REV3L: variants seen among roughly 807,000 people sequenced by gnomAD.
REV3L encodes the protein REV3 like, DNA directed polymerase zeta catalytic subunit.
A neutral mutation model predicts 299.4 loss-of-function variants in REV3L; 69 were observed. The observed-to-expected ratio is 0.23, with a 90% CI of 0.19 to 0.28. REV3L has a LOEUF of 0.28. Among genes scored for constraint, REV3L ranks in the 10% least tolerant of loss-of-function variants. The pLI is 1.00. For synonymous variants in REV3L, 1,238 were observed against 1,271.4 expected (o/e 0.97, Z 0.56); for missense variants, 3,128 against 3,693.8 (o/e 0.85, Z 3.97).
In REV3L at chr6:111,375,158, T is replaced by C; in HGVS notation, c.3197A>G (p.Asn1066Ser). 1 of 1,607,422 alleles carries C rather than the reference T, an allele frequency of 6.2e-7. No homozygotes were observed. The highest frequency in any genetic ancestry group is 8.5e-7 in the Non-Finnish European group (1 of 1,178,336). ...KKKTGKQQRT[N>S]NENIKRTLSF... ...CAAAGTTCTTTTAATATTTTCATTA[T>C]TTGTCCTTTGTTGTTTACCAGTTTT... The change falls in exon 13 of 32, where the codon AAT (asparagine) becomes AGT (serine). Residue 1066 changes from asparagine (N) to serine (S), a missense_variant. Around this residue, in one of 9 missense-constraint regions of REV3L, gnomAD observed 2,409 missense variants for 2,611.8 expected, o/e 0.92. Coordinates refer to ENST00000368802, the MANE Select transcript of REV3L (RefSeq NM_001372078.1).
rs776967346 is a variant in REV3L at position 111,373,820 on chromosome 6, C to A, written c.4535G>T (p.Arg1512Leu). ...QTKALSQCKNRNVSTPSAFGE... is the reference protein window; with the variant it reads ...QTKALSQCKNLNVSTPSAFGE... ...AAATGCTGAAGGTGTTGACACATTT[C>A]GATTTTTACACTGAGAAAGTGCTTT... is the stretch of plus-strand genomic sequence containing the variant. Residue 1512 changes from arginine to leucine, a missense_variant, in exon 13 of 32, where the codon CGA (arginine) becomes CTA (leucine). By Grantham distance (102) the Arg-to-Leu change is moderately radical. Around this residue, in one of 9 missense-constraint regions of REV3L, gnomAD observed 2,409 missense variants for 2,611.8 expected, o/e 0.92. Coordinates refer to ENST00000368802, the MANE Select transcript of REV3L (RefSeq NM_001372078.1). 3.1e-6 allele frequency: 5 copies of A among 1,613,950 alleles called. No homozygotes were observed. The highest frequency in any genetic ancestry group is 1.6e-4 in the Middle Eastern group (1 of 6,084).
intron 18 of REV3L, among the ~76,000 whole-genome samples, chr6:111,353,368 T>A (rs764238127): frequency 6.6e-6 from 1 of 152,228 alleles, no homozygotes; most frequent in African/African-American, 2.4e-5. Context: ...TCACAATAAA[T>A]GTTTTCTGAT....
chr6:111,380,503 C>G (rs1397148752), intron 10 of REV3L, among the ~76,000 whole-genome samples: 1 of 152,152 alleles, frequency 6.6e-6, no homozygotes, highest in African/African-American at 2.4e-5. Context: ...TCGTGATCTG[C>G]CTGCCTCGGC....
intron 20 of REV3L, among the ~76,000 whole-genome samples, chr6:111,345,241 T>A (rs2300660): frequency 0.019 from 2,929 of 152,116 alleles, 60 homozygotes; most frequent in South Asian, 0.058. Context: ...GATGAAAACA[T>A]GAAAATGAGA....
intron 1 of REV3L, among the ~76,000 whole-genome samples, chr6:111,450,494 A>AAAC (rs1554242402): frequency 4.6e-5 from 7 of 150,604 alleles, no homozygotes; most frequent in African/African-American, 1.7e-4. Flanking sequence ...AAAAAAAAAA[A>AAAC]AAAAAAAAAA....
rs142565288 is a variant in REV3L at position 111,437,727 on chromosome 6, T to C, written c.140-21255A>G. Among the ~76,000 whole-genome samples the C allele has an allele frequency of 6.6e-5, 10 of 152,174 alleles. No individual in the cohort carries two copies. In the East Asian group the frequency reaches 1.9e-3, roughly 29 times the overall value. On this transcript the variant is annotated intron_variant, in intron 1 of 31. Coordinates refer to ENST00000368802, the MANE Select transcript of REV3L (RefSeq NM_001372078.1). ...GAGTACTGACTGCTATTTGAGACGG[T>C]GTTTCTTTTTAGGGTGACAGTGTTC...
At chr6:111,390,819 T>A (rs1002481) in intron 5 of REV3L, among the ~76,000 whole-genome samples, 130,323 of 152,130 alleles carry the variant, frequency 0.86, 55,998 homozygotes, top group African/African-American at 0.91. Flanking sequence ...TTTCCCAGTC[T>A]GGATCTTTGA....
intron 1 of REV3L, among the ~76,000 whole-genome samples, chr6:111,465,828 G>A (rs760376678): frequency 4.1e-5 from 6 of 148,088 alleles, no homozygotes; most frequent in Non-Finnish European, 6.0e-5. Flanking sequence ...TAAAAATAGT[G>A]ATGAAAAACG....
At chr6:111,430,400 C>T in intron 1 of REV3L, 1 of 1,361,182 alleles carries the variant, frequency 7.3e-7, no homozygotes, top group East Asian at 2.3e-5. Flanking sequence ...ACTACCAGTC[C>T]ATAGAAAAAC....
chr6:111,432,782 C>T (rs1787095559), intron 1 of REV3L, among the ~76,000 whole-genome samples: 1 of 152,120 alleles, frequency 6.6e-6, no homozygotes, highest in Non-Finnish European at 1.5e-5. Context: ...TTCTCCGAAA[C>T]AAATCATATC....
intron 1 of REV3L, among the ~76,000 whole-genome samples, chr6:111,466,693 C>T (rs1049210622): frequency 6.6e-6 from 1 of 152,026 alleles, no homozygotes. Flanking sequence ...AAAAATTAGA[C>T]AGGTATGGTG....
At chr6:111,346,311 A>G (rs1238305997) in intron 20 of REV3L, among the ~76,000 whole-genome samples, 2 of 152,198 alleles carry the variant, frequency 1.3e-5, no homozygotes, top group African/African-American at 2.4e-5. Flanking sequence ...GGGAAGAGCT[A>G]TTTATTGTCA....
intron 1 of REV3L, among the ~76,000 whole-genome samples, chr6:111,457,392 T>C (rs1790274695): frequency 6.6e-6 from 1 of 151,992 alleles, no homozygotes. Flanking sequence ...GGTTATTACA[T>C]TACATTTTAT....
intron 21 of REV3L, among the ~76,000 whole-genome samples, chr6:111,337,454 C>T (rs972424060): frequency 3.9e-5 from 6 of 152,070 alleles, no homozygotes; most frequent in African/African-American, 1.4e-4. Context: ...GAAACACTTA[C>T]TGAATATCTT....
rs762513042 is a variant in REV3L, at chr6:111,390,179, A to G, written c.664T>C (p.Ser222Pro). 6.4e-7 allele frequency: 1 copy of G among 1,567,052 alleles called. No homozygotes were observed. Among genetic ancestry groups the G allele is most frequent in the East Asian group, 2.2e-5 (1 of 44,560 alleles). Residue 222 changes from serine (S) to proline (P), a missense_variant and splice_region_variant, in exon 6 of 32, where the codon TCT becomes CCT. Physicochemically the swap from Ser to Pro is moderately conservative, Grantham distance 74 (BLOSUM62 -1). Coordinates refer to ENST00000368802, the MANE Select transcript of REV3L (RefSeq NM_001372078.1). ...FRWEQDEIPSSLILEGVEPQS... is the reference protein window; with the variant it reads ...FRWEQDEIPSPLILEGVEPQS... Reference sequence around the variant, plus strand: ...GGTTCAACACCTTCCAATATTAAAGAGCTGCAATTAAAGGATATAAAAAAC... The same window carrying G: ...GGTTCAACACCTTCCAATATTAAAGGGCTGCAATTAAAGGATATAAAAAAC...
At chr6:111,322,444 G>T in intron 26 of REV3L, 125 bp downstream of exon 26, 1 of 699,938 alleles carries the variant, frequency 1.4e-6, no homozygotes, top group Non-Finnish European at 2.5e-6. Context: ...TCATGAGATC[G>T]TAAGGACTGG....
intron 31 of REV3L, among the ~76,000 whole-genome samples, chr6:111,301,860 A>G (rs972542682): frequency 2.0e-5 from 3 of 152,234 alleles, no homozygotes; most frequent in Admixed American, 6.5e-5. Context: ...TAAAAAAATT[A>G]AAAAGGATGC....
chr6:111,299,912 C>A lies in REV3L; in HGVS notation c.*104G>T, dbSNP rs553876736. 33 of 1,103,526 alleles carry A rather than the reference C, an allele frequency of 3.0e-5. 1 individual carries two copies. The highest frequency in any genetic ancestry group is 4.1e-5 in the Non-Finnish European group (32 of 781,734). The allele number at this position is 1,103,526 out of a possible 1,614,324, so 68.4% of individuals were successfully genotyped here. A position where few individuals can be genotyped will look rare whatever the true frequency, so the allele number is the denominator to read the frequency against. On this transcript the variant is annotated 3_prime_UTR_variant, in exon 32 of 32. Transcript: ENST00000368802. ...GTCTTCATAGTCTTCAGATAACAGA[C>A]AGTGAACATCCTTGACTCGATGAAA...
At chr6:111,330,923 G>T in intron 24 of REV3L, 1 of 912,642 alleles carries the variant, frequency 1.1e-6, no homozygotes, top group Non-Finnish European at 1.3e-6. Flanking sequence ...GCTAATTTTA[G>T]TTTAGTATTC....
Sources: allele counts gnomAD v4.1 joint callset (sites outside exome capture counted in the v4.1 genomes callset), GRCh38; gene constraint gnomAD v4.1.1; regional missense constraint gnomAD v4.1.1; transcripts MANE v1.5; gene names NCBI Gene and HGNC (gene_info 2026-07-23, HGNC 2026-07-21).